The following ANO3 variants were observed in gnomAD, a reference collection of about 807,000 sequenced individuals.
ANO3 encodes the protein anoctamin 3, also known as anoctamin-3.
A neutral mutation model predicts 144.8 loss-of-function variants in ANO3; 99 were observed. The ratio of observed to expected loss-of-function variants is 0.68; its 90% CI spans 0.58 to 0.81. The LOEUF is 0.81. ANO3 is among the 30% of genes least tolerant of loss of function. The pLI is 0.00. For missense variants in ANO3, 905 were observed against 1,202.2 expected (o/e 0.75, Z 3.66); for synonymous variants, 414 against 392.6 (o/e 1.05, Z -0.64).
chr11:26,243,123 T>C (rs533130294), intron 1 of ANO3, among the ~76,000 whole-genome samples: 2 of 152,200 alleles, frequency 1.3e-5, no homozygotes, highest in South Asian at 4.2e-4. Flanking sequence ...TTTTGAAGAA[T>C]GAAGAAATGC....
At position 26,589,935 on chromosome 11, in the gene ANO3, C is replaced by T. The variant is rs1337138301; in HGVS notation, c.1448-8430C>T. 5.9e-5 allele frequency among the ~76,000 whole-genome samples: 9 copies of T among 152,278 alleles called. No homozygotes were observed. In the South Asian group the frequency reaches 1.9e-3, roughly 32 times the overall value. On this transcript the variant is annotated intron_variant, in intron 14 of 26. Coordinates refer to ENST00000256737, the MANE Select transcript of ANO3 (RefSeq NM_031418.4). ...ATTTGGTTTCTACTGATCTGATTTT[C>T]CCCCAATCCAGTTTTCACCACACAC...
At chr11:26,522,630 G>T (rs999807817) in intron 6 of ANO3, among the ~76,000 whole-genome samples, 6 of 152,222 alleles carry the variant, frequency 3.9e-5, no homozygotes, top group African/African-American at 1.2e-4. Context: ...AAAAGGATTT[G>T]GCCCTGCACG....
chr11:26,471,618 C>T (rs145618978), intron 4 of ANO3, among the ~76,000 whole-genome samples: 1 of 151,854 alleles, frequency 6.6e-6, no homozygotes, highest in Non-Finnish European at 1.5e-5. Flanking sequence ...AAAGCTCCTA[C>T]AGCTGCCAAC....
At chr11:26,568,499 A>T (rs1268426893) in intron 14 of ANO3, among the ~76,000 whole-genome samples, 2 of 151,950 alleles carry the variant, frequency 1.3e-5, no homozygotes, top group African/African-American at 4.8e-5. Flanking sequence ...AGCCTCTCCA[A>T]ATTTAATTAT....
intron 1 of ANO3, among the ~76,000 whole-genome samples, chr11:26,252,381 T>C (rs1013030491): frequency 1.3e-5 from 2 of 152,194 alleles, no homozygotes; most frequent in Admixed American, 1.3e-4. Context: ...TTTTCTTTGG[T>C]TTCTGGAAGT....
chr11:26,421,105 G>A (rs980209038), intron 1 of ANO3, among the ~76,000 whole-genome samples: 14 of 152,046 alleles, frequency 9.2e-5, no homozygotes, highest in African/African-American at 2.6e-4. Flanking sequence ...AGATCCTAAC[G>A]GGACTCTTAA....
rs1854698266 is a variant in ANO3 at position 26,319,144 on chromosome 11, C to CATTATTATTATTATTTTATT, written c.-3+9440_-3+9441insTTATTATTATTATTATTATT. Among the ~76,000 whole-genome samples the CATTATTATTATTATTTTATT allele has an allele frequency of 2.0e-5, 3 of 150,934 alleles. No individual in the cohort carries two copies. The East Asian group carries it at 5.9e-4, about 29-fold the overall frequency. ...GGTGTGTGCCACTACTTCCAGATAA[C>CATTATTATTATTATTTTATT]ATTATTATTATTATTATTATCGTTA... is the stretch of plus-strand genomic sequence containing the variant. On this transcript the variant is annotated intron_variant, in intron 1 of 26. Coordinates refer to the ANO3 transcript ENST00000525139.
At chr11:26,640,834 C>A (rs1853124668) in intron 21 of ANO3, among the ~76,000 whole-genome samples, 1 of 152,146 alleles carries the variant, frequency 6.6e-6, no homozygotes, top group Non-Finnish European at 1.5e-5. Context: ...AATTGTCTTT[C>A]TTCAAGCAAA....
chr11:26,490,845 C>T (rs1860677022), intron 4 of ANO3, among the ~76,000 whole-genome samples: 1 of 152,134 alleles, frequency 6.6e-6, no homozygotes. Context: ...TCAGTATTGC[C>T]ACACTGGAAA....
In ANO3 at chr11:26,196,837, T is replaced by C. The variant is rs1416582206; in HGVS notation, c.154+7507T>C. Among the ~76,000 whole-genome samples, 2 of 152,184 alleles carry C rather than the reference T, an allele frequency of 1.3e-5. 1 individual carries two copies. The highest frequency in any genetic ancestry group is 4.8e-5 in the African/African-American group (2 of 41,446). ...ATAAGAATTAGTGAAAGTTCCAGTG[T>C]ATAAAATGTTCACTATTTGTAAGTC... On this transcript the variant is annotated intron_variant, in intron 1 of 27. Transcript: ENST00000672621.
At chr11:26,587,657 G>A (rs1475752159) in intron 14 of ANO3, among the ~76,000 whole-genome samples, 3 of 152,104 alleles carry the variant, frequency 2.0e-5, no homozygotes, top group East Asian at 3.9e-4. Flanking sequence ...TGCTAAGCAC[G>A]AGAGTTAAAA....
chr11:26,397,603 T>C (rs1253451955), intron 1 of ANO3, among the ~76,000 whole-genome samples: 1 of 152,066 alleles, frequency 6.6e-6, no homozygotes, highest in Admixed American at 6.6e-5. Flanking sequence ...ATTATTAGGG[T>C]GCACAATGAT....
At chr11:26,565,530 G>C (rs1225535303) in intron 14 of ANO3, 3 of 1,613,404 alleles carry the variant, frequency 1.9e-6, no homozygotes, top group Non-Finnish European at 2.5e-6. Flanking sequence ...GATCAAGGGA[G>C]GGCTTGTGGA....
chr11:26,487,206 TG>T (rs1860486263), intron 4 of ANO3, among the ~76,000 whole-genome samples: 1 of 152,182 alleles, frequency 6.6e-6, no homozygotes, highest in South Asian at 2.1e-4. Context: ...AATTGAATCA[TG>T]GGGGCCAGTC....
chr11:26,534,568 A>T lies in ANO3; in HGVS notation c.976+6A>T, dbSNP rs760916590. On this transcript the variant is annotated splice_donor_region_variant and intron_variant, in intron 9 of 26. Coordinates refer to ENST00000256737, the MANE Select transcript of ANO3 (RefSeq NM_031418.4). ...AAATGGAATATCAAAAGTGGGTAAG[A>T]ACATTAATTAATAACAGAGTAGAAC... is the stretch of plus-strand genomic sequence containing the variant. 6.3e-7 allele frequency: 1 copy of T among 1,575,254 alleles called. No homozygotes were observed. Among genetic ancestry groups the T allele is most frequent in the Non-Finnish European group, 8.7e-7 (1 of 1,145,898 alleles).
At chr11:26,329,721 T>C (rs1179718111), upstream of ANO3, among the ~76,000 whole-genome samples, 2 of 151,732 alleles carry the variant, frequency 1.3e-5, no homozygotes, top group Non-Finnish European at 2.9e-5. Context: ...GATCAGGGAG[T>C]AGGTTGGAGA....
chr11:26,338,734 A>G (rs1235236368), intron 1 of ANO3, among the ~76,000 whole-genome samples: 1 of 152,040 alleles, frequency 6.6e-6, no homozygotes, highest in African/African-American at 2.4e-5. Flanking sequence ...TGCCACCTTT[A>G]AGAGCTGTAA....
At chr11:26,256,643 G>A (rs970722921) in intron 1 of ANO3, among the ~76,000 whole-genome samples, 1 of 152,046 alleles carries the variant, frequency 6.6e-6, no homozygotes, top group African/African-American at 2.4e-5. Context: ...AAAAACAGCT[G>A]ATATAGTGGC....
At chr11:26,432,301 G>A (rs1441708723) in intron 1 of ANO3, among the ~76,000 whole-genome samples, 2 of 152,090 alleles carry the variant, frequency 1.3e-5, no homozygotes, top group East Asian at 1.9e-4. Context: ...TATAGATGCT[G>A]GATATTAGAT....
Sources: gnomAD v4.1 joint callset for allele counts (sites outside exome capture counted in the v4.1 genomes callset) on GRCh38, gnomAD v4.1.1 for gene constraint, MANE v1.5 for transcripts, NCBI Gene and HGNC (gene_info 2026-07-23, HGNC 2026-07-21) for gene names.